ZNF536: variants seen among roughly 807,000 people sequenced by gnomAD.
ZNF536 encodes the protein zinc finger protein 536.
ZNF536 carries 13 observed loss-of-function variants against 84.5 expected under a neutral mutation model. The ratio of observed to expected loss-of-function variants is 0.15; its 90% CI spans 0.10 to 0.24. The LOEUF is 0.24. Among genes scored for constraint, ZNF536 ranks in the 10% least tolerant of loss-of-function variants. The pLI is 1.00. For missense variants in ZNF536, 1,536 were observed against 1,747.5 expected (o/e 0.88, Z 2.16); for synonymous variants, 811 against 742.5 (o/e 1.09, Z -1.50).
intron 1 of ZNF536, among the ~76,000 whole-genome samples, chr19:30,695,456 C>T (rs1452286736): frequency 1.3e-5 from 2 of 152,168 alleles, no homozygotes; most frequent in African/African-American, 4.8e-5. Context: ...TTGTGTGGTG[C>T]CACAGATAAG....
intron 2 of ZNF536, among the ~76,000 whole-genome samples, chr19:30,454,684 G>A (rs527492855): frequency 2.0e-5 from 3 of 152,290 alleles, no homozygotes; most frequent in South Asian, 2.1e-4. Context: ...GTTCATGTCC[G>A]TCTCTGGCTG....
At position 30,582,208 on chromosome 19, in the gene ZNF536, G is replaced by A. The variant is rs1287603779; in HGVS notation, c.169+32694G>A. ...GGAGACCGAGGCAGTGACACACAAT[G>A]GGCAGACGTGCACCAAAGGGAGGAG... On this transcript the variant is annotated intron_variant, in intron 1 of 1. Transcript: ENST00000592773. Among the ~76,000 whole-genome samples, 5 of 152,170 alleles carry A rather than the reference G, an allele frequency of 3.3e-5. No individual in the cohort carries two copies. In the East Asian group the frequency reaches 5.8e-4, roughly 18 times the overall value.
At chr19:30,246,578 GTCCC>G (rs2024292540) in intron 1 of ZNF536, among the ~76,000 whole-genome samples, 5 of 152,010 alleles carry the variant, frequency 3.3e-5, no homozygotes, top group Non-Finnish European at 1.5e-5. Flanking sequence ...CACTGCCCCC[GTCCC>G]CACCCCACAA....
intron 1 of ZNF536, among the ~76,000 whole-genome samples, chr19:30,567,562 G>A (rs1188093811): frequency 2.6e-5 from 4 of 152,108 alleles, no homozygotes; most frequent in East Asian, 1.9e-4. Context: ...CCCCCGCAGC[G>A]AGAGGGCCCC....
At chr19:30,493,378 G>A (rs192429479) in intron 2 of ZNF536, among the ~76,000 whole-genome samples, 6 of 152,106 alleles carry the variant, frequency 3.9e-5, no homozygotes, top group African/African-American at 1.4e-4. Context: ...AAGGCAGTAG[G>A]CTTAATAGAA....
intron 2 of ZNF536, among the ~76,000 whole-genome samples, chr19:30,294,852 G>T (rs552290372): frequency 6.6e-6 from 1 of 152,312 alleles, no homozygotes; most frequent in South Asian, 2.1e-4. Context: ...GTTGAGGCAG[G>T]CATGCATAGA....
At chr19:30,662,962 C>CTTTTTTTTTTTTTT (rs951081577) in intron 1 of ZNF536, among the ~76,000 whole-genome samples, 1 of 78,770 alleles carries the variant, frequency 1.3e-5, no homozygotes, top group Non-Finnish European at 2.5e-5. Flanking sequence ...TTTTTCGTTT[C>CTTTTTTTTTTTTTT]TTTTTTTTTT....
intron 2 of ZNF536, among the ~76,000 whole-genome samples, chr19:30,490,169 T>A (rs1291315108): frequency 6.6e-6 from 1 of 152,246 alleles, no homozygotes; most frequent in Admixed American, 6.5e-5. Flanking sequence ...ACTTTTTTTT[T>A]TAACCAAGTT....
chr19:30,408,468 A>G (rs918923418), intron 1 of ZNF536, among the ~76,000 whole-genome samples: 6 of 152,156 alleles, frequency 3.9e-5, no homozygotes, highest in Admixed American at 1.3e-4. Context: ...TGTCCAGGCC[A>G]CAGCCTTTTC....
chr19:30,372,831 C>A lies in ZNF536; in HGVS notation c.-3+275C>A, dbSNP rs1231007003. ...TACATTAATTCTCTCCATCACCCGC[C>A]CCCCCCATCTAATCTGACTGTACCA... On this transcript the variant is annotated intron_variant, in intron 1 of 4. Coordinates refer to ENST00000355537, the MANE Select transcript of ZNF536 (RefSeq NM_014717.3). Among the ~76,000 whole-genome samples, 16 of 148,400 alleles carry A rather than the reference C, an allele frequency of 1.1e-4. No individual in the cohort carries two copies. The Admixed American group carries it at 1.1e-3, about 10-fold the overall frequency.
intron 1 of ZNF536, among the ~76,000 whole-genome samples, chr19:30,564,610 G>T (rs2046286255): frequency 6.6e-6 from 1 of 152,094 alleles, no homozygotes; most frequent in Admixed American, 6.5e-5. Context: ...GGGTCAGGGA[G>T]ACCCCCAAGC....
chr19:30,438,132 T>C (rs1044940985), intron 1 of ZNF536, among the ~76,000 whole-genome samples: 4 of 152,122 alleles, frequency 2.6e-5, no homozygotes, highest in Non-Finnish European at 5.9e-5. Flanking sequence ...ATGTGTATGT[T>C]TGTTAAGTTA....
chr19:30,254,707 A>G (rs1379776860), intron 1 of ZNF536, among the ~76,000 whole-genome samples: 2 of 152,074 alleles, frequency 1.3e-5, no homozygotes, highest in African/African-American at 2.4e-5. Context: ...AGAGATTGGG[A>G]AGTAGCAAAG....
At chr19:30,649,241 G>C (rs2147429936) in intron 1 of ZNF536, among the ~76,000 whole-genome samples, 1 of 152,300 alleles carries the variant, frequency 6.6e-6, no homozygotes, top group African/African-American at 2.4e-5. Context: ...TCCAGAATCG[G>C]ACATTCTGTC....
chr19:30,685,216 C>A (rs1449069053), intron 1 of ZNF536, among the ~76,000 whole-genome samples: 1 of 152,190 alleles, frequency 6.6e-6, no homozygotes, highest in Admixed American at 6.5e-5. Flanking sequence ...GGATTTTCTG[C>A]TCTGAGGGTG....
At chr19:30,634,318 A>C (rs1023662459) in intron 1 of ZNF536, among the ~76,000 whole-genome samples, 8 of 152,218 alleles carry the variant, frequency 5.3e-5, no homozygotes, top group Non-Finnish European at 1.0e-4. Flanking sequence ...ATATTGTATC[A>C]ACAATAGTGG....
intron 1 of ZNF536, among the ~76,000 whole-genome samples, chr19:30,377,639 T>A (rs2147119197): frequency 6.6e-6 from 1 of 152,292 alleles, no homozygotes; most frequent in African/African-American, 2.4e-5. Context: ...CTACAAGGGT[T>A]TGTGAAAAGG....
chr19:30,498,327 C>A (rs1249073284), intron 2 of ZNF536, among the ~76,000 whole-genome samples: 1 of 152,136 alleles, frequency 6.6e-6, no homozygotes, highest in Non-Finnish European at 1.5e-5. Flanking sequence ...CCTCAGCAAA[C>A]TAATGCAGGA....
intron 1 of ZNF536, among the ~76,000 whole-genome samples, chr19:30,259,420 G>T (rs1442961669): frequency 6.6e-6 from 1 of 152,196 alleles, no homozygotes; most frequent in Non-Finnish European, 1.5e-5. Context: ...AACAGCATGG[G>T]CGTCACCAGG....
Sources: allele counts gnomAD v4.1 joint callset (sites outside exome capture counted in the v4.1 genomes callset), GRCh38; gene constraint gnomAD v4.1.1; transcripts MANE v1.5; gene names NCBI Gene and HGNC (gene_info 2026-07-23, HGNC 2026-07-21).